PTGER3: variants seen among roughly 807,000 people sequenced by gnomAD.
The protein encoded by PTGER3 is prostaglandin E receptor 3.
A neutral mutation model predicts 34.7 loss-of-function variants in PTGER3; 22 were observed. That is an observed-to-expected ratio of 0.63 (90% CI 0.45 to 0.91). PTGER3 has a LOEUF of 0.91. Ranked by LOEUF, PTGER3 falls within the 40% of genes least tolerant of loss-of-function variation. The pLI is 0.00. For missense variants in PTGER3, 468 were observed against 519.4 expected (o/e 0.90, Z 0.96); for synonymous variants, 241 against 230.1 (o/e 1.05, Z -0.43).
chr1:71,042,485 T>C (rs940745112), intron 1 of PTGER3, among the ~76,000 whole-genome samples: 1 of 152,044 alleles, frequency 6.6e-6, no homozygotes, highest in African/African-American at 2.4e-5. Context: ...GATTATAACA[T>C]TAATCAGTTT....
At chr1:71,031,245 AACACACACACACACAC>A (rs56278148) in intron 1 of PTGER3, among the ~76,000 whole-genome samples, 13 of 149,388 alleles carry the variant, frequency 8.7e-5, no homozygotes, top group South Asian at 4.3e-4. Context: ...GTGGCAGGAA[AACACACACACACACAC>A]ACACACACAC....
chr1:70,970,974 T>G lies in PTGER3; in HGVS notation c.*756A>C. 1.0e-6 allele frequency: 1 copy of G among 985,420 alleles called. No homozygotes were observed. The highest frequency in any genetic ancestry group is 1.2e-6 in the Non-Finnish European group (1 of 829,924). 61.0% of individuals were successfully genotyped at this position (985,420 alleles called of 1,614,324 possible). On this transcript the variant is annotated 3_prime_UTR_variant, in exon 4 of 4. Coordinates refer to ENST00000306666, the MANE Select transcript of PTGER3 (RefSeq NM_198719.2). ...AATCAGAAGGCCTACCTGGATTTTT[T>G]TATCACTCTAACTGCGCAGCTAATC...
chr1:71,043,502 A>G (rs1240868672), intron 1 of PTGER3, among the ~76,000 whole-genome samples: 1 of 152,170 alleles, frequency 6.6e-6, no homozygotes, highest in Non-Finnish European at 1.5e-5. Context: ...TAACAACTGA[A>G]TATTTATTAT....
intron 1 of PTGER3, among the ~76,000 whole-genome samples, chr1:71,021,034 C>CA (rs908980480): frequency 2.0e-4 from 30 of 149,910 alleles, no homozygotes; most frequent in African/African-American, 2.4e-4. Context: ...CAGATGCTTC[C>CA]AAAAAAAAAT....
At chr1:70,911,358 A>T (rs761969870) in intron 4 of PTGER3, among the ~76,000 whole-genome samples, 20 of 151,968 alleles carry the variant, frequency 1.3e-4, no homozygotes, top group Non-Finnish European at 8.8e-5. Flanking sequence ...CCAATCCAAA[A>T]ACTGGAGCAC....
rs529764618 is a variant in PTGER3, at chr1:70,933,130, T to C, written c.*23+20633A>G. Among the ~76,000 whole-genome samples the C allele has an allele frequency of 2.4e-4, 36 of 152,300 alleles. No individual in the cohort carries two copies. The South Asian group carries it at 7.3e-3, about 31-fold the overall frequency. On this transcript the variant is annotated intron_variant, in intron 4 of 4. Transcript: ENST00000370931. The stretch of plus-strand genomic sequence containing the variant: ...CTGTGTCTTCTCTGTATCTTACTTA[T>C]TTGTGTAAAGTAATACCTGGTATTT...
chr1:70,992,000 G>A (rs1238601124), intron 2 of PTGER3, among the ~76,000 whole-genome samples: 1 of 152,124 alleles, frequency 6.6e-6, no homozygotes, highest in Non-Finnish European at 1.5e-5. Flanking sequence ...TAAATATCAA[G>A]CACTTTTCTA....
chr1:70,904,320 A>T (rs1646901740), intron 4 of PTGER3, among the ~76,000 whole-genome samples: 1 of 152,220 alleles, frequency 6.6e-6, no homozygotes, highest in East Asian at 1.9e-4. Flanking sequence ...AGTAATTGGT[A>T]CCAGTAGAGT....
chr1:70,939,637 A>T (rs955302033), intron 4 of PTGER3, among the ~76,000 whole-genome samples: 2 of 152,196 alleles, frequency 1.3e-5, no homozygotes, highest in Admixed American at 6.5e-5. Flanking sequence ...CAGGCTCAAC[A>T]CCACATGGAA....
chr1:70,914,262 A>G (rs1040931719), intron 4 of PTGER3, among the ~76,000 whole-genome samples: 39 of 151,944 alleles, frequency 2.6e-4, no homozygotes, highest in African/African-American at 9.1e-4. Context: ...AATGGAAGCC[A>G]TTGTGCCTCT....
intron 2 of PTGER3, among the ~76,000 whole-genome samples, chr1:70,991,461 T>TTC (rs1655472848): frequency 1.3e-5 from 2 of 152,104 alleles, no homozygotes; most frequent in Admixed American, 1.3e-4. Context: ...TACTAGGGTA[T>TTC]AGAGAATATA....
intron 4 of PTGER3, among the ~76,000 whole-genome samples, chr1:70,905,591 C>T (rs1053071882): frequency 3.3e-5 from 5 of 152,072 alleles, no homozygotes; most frequent in African/African-American, 7.2e-5. Flanking sequence ...TGCTGGATTT[C>T]GGACTTGTAT....
chr1:70,986,591 A>G (rs1021007577), intron 2 of PTGER3, among the ~76,000 whole-genome samples: 1 of 152,204 alleles, frequency 6.6e-6, no homozygotes, highest in Non-Finnish European at 1.5e-5. Flanking sequence ...ACTGAAATCA[A>G]TGGTGGATGC....
In PTGER3 at chr1:70,953,101, A is replaced by C. The variant is rs1246754672; in HGVS notation, c.1105-42T>G. Reference sequence around the variant, plus strand: ...ATATTGAGAAAAGAAAATAATAAAAAATAACAATATGAAAATAAAAATAAT... The same window carrying C: ...ATATTGAGAAAAGAAAATAATAAAACATAACAATATGAAAATAAAAATAAT... On this transcript the variant is annotated intron_variant, in intron 3 of 3. Coordinates refer to the PTGER3 transcript ENST00000356595. 2.7e-6 allele frequency: 4 copies of C among 1,486,838 alleles called. No individual in the cohort carries two copies. The South Asian group carries it at 4.0e-5, about 15-fold the overall frequency. 92.1% of individuals were successfully genotyped at this position (1,486,838 alleles called of 1,614,324 possible). A position where few individuals can be genotyped will look rare whatever the true frequency, so the allele number is the denominator to read the frequency against.
intron 4 of PTGER3, among the ~76,000 whole-genome samples, chr1:70,924,542 C>T (rs1386287363): frequency 6.6e-6 from 1 of 152,088 alleles, no homozygotes; most frequent in Non-Finnish European, 1.5e-5. Flanking sequence ...ATTGTGGGCA[C>T]ATTAGAATCA....
At chr1:70,900,842 C>A (rs1646821759) in intron 4 of PTGER3, among the ~76,000 whole-genome samples, 1 of 152,130 alleles carries the variant, frequency 6.6e-6, no homozygotes. Context: ...TTGGATAAAC[C>A]TCTCCAAGCC....
chr1:70,957,402 A>T (rs957260383), intron 2 of PTGER3, among the ~76,000 whole-genome samples: 5 of 152,214 alleles, frequency 3.3e-5, no homozygotes, highest in South Asian at 4.1e-4. Context: ...ACCTTCATTT[A>T]ACTTGATCAT....
At chr1:70,944,783 C>T (rs1197506935) in intron 4 of PTGER3, among the ~76,000 whole-genome samples, 3 of 152,044 alleles carry the variant, frequency 2.0e-5, no homozygotes, top group Non-Finnish European at 4.4e-5. Flanking sequence ...ATAGCCTTAC[C>T]TCTTCATCAG....
intron 2 of PTGER3, chr1:71,006,618 G>A (rs1284848526): frequency 1.0e-6 from 1 of 978,150 alleles, no homozygotes; most frequent in Non-Finnish European, 1.2e-6. Context: ...GAAACATCAT[G>A]TTGAAAATCG....
Sources: allele counts gnomAD v4.1 joint callset (sites outside exome capture counted in the v4.1 genomes callset), GRCh38; gene constraint gnomAD v4.1.1; transcripts MANE v1.5; gene names NCBI Gene and HGNC (gene_info 2026-07-23, HGNC 2026-07-21).